Variants in AP2B1 observed in about 807,000 individuals in gnomAD.
The protein encoded by AP2B1 is AP-2 complex subunit beta.
A neutral mutation model predicts 102.0 loss-of-function variants in AP2B1; 23 were observed. That is an observed-to-expected ratio of 0.23 (90% CI 0.16 to 0.32). The LOEUF (loss-of-function observed/expected upper bound fraction) is 0.32, where lower values mean the gene tolerates loss of function less well. Among genes scored for constraint, AP2B1 ranks in the 10% least tolerant of loss-of-function variants. The probability of loss-of-function intolerance (pLI) is 1.00; values close to 1 mark genes in which losing one functional copy is unlikely to be tolerated. For synonymous variants in AP2B1, 381 were observed against 421.2 expected, an observed-to-expected ratio of 0.90 and a Z score of 1.17; for missense variants, 541 against 1,157.4, an observed-to-expected ratio of 0.47 and a Z score of 7.73.
At chr17:35,683,768 A>G (rs2075873826) in intron 18 of AP2B1, among the ~76,000 whole-genome samples, 1 of 152,206 alleles carries the variant, frequency 6.6e-6, no homozygotes, top group Admixed American at 6.5e-5. Flanking sequence ...AATGTTCACA[A>G]GAACAGGAAG....
At chr17:35,711,291 C>T (rs1028704283) in intron 20 of AP2B1, among the ~76,000 whole-genome samples, 1 of 152,062 alleles carries the variant, frequency 6.6e-6, no homozygotes, top group Non-Finnish European at 1.5e-5. Flanking sequence ...CTCATTTACC[C>T]CTCATTTACT....
At chr17:35,637,441 A>G (rs2074639556) in intron 10 of AP2B1, among the ~76,000 whole-genome samples, 1 of 151,968 alleles carries the variant, frequency 6.6e-6, no homozygotes, top group Non-Finnish European at 1.5e-5. Context: ...CAGCCTCCCA[A>G]AGTGCTGGGA....
intron 17 of AP2B1, among the ~76,000 whole-genome samples, chr17:35,676,792 T>TTC (rs111330310): frequency 0.86 from 131,155 of 151,764 alleles, 57,012 homozygotes; most frequent in East Asian, 0.97. Flanking sequence ...ATATTGGTCA[T>TTC]ATATATCTTT....
chr17:35,632,660 G>GTT (rs903905322), intron 9 of AP2B1, among the ~76,000 whole-genome samples: 3 of 143,106 alleles, frequency 2.1e-5, no homozygotes. Flanking sequence ...TTTAATGGTA[G>GTT]TTTTTTTTTT....
intron 19 of AP2B1, among the ~76,000 whole-genome samples, 156 bp downstream of exon 19, chr17:35,709,464 T>C (rs587767008): frequency 3.7e-4 from 56 of 152,350 alleles, no homozygotes; most frequent in African/African-American, 1.3e-3. Context: ...TTATTTATTC[T>C]CCTGTGTCAC....
chr17:35,629,097 C>T (rs2074394555), intron 9 of AP2B1, among the ~76,000 whole-genome samples: 1 of 151,942 alleles, frequency 6.6e-6, no homozygotes, highest in African/African-American at 2.4e-5. Flanking sequence ...TACAGGCATA[C>T]GCTACCACAC....
At chr17:35,632,665 T>C (rs1001374668) in intron 9 of AP2B1, among the ~76,000 whole-genome samples, 3 of 152,116 alleles carry the variant, frequency 2.0e-5, no homozygotes, top group Admixed American at 2.0e-4. Context: ...TGGTAGTTTT[T>C]TTTTTTTAAT....
intron 6 of AP2B1, 85 bp from the exon 7 acceptor site, chr17:35,626,536 A>G (rs1204177169): frequency 2.6e-6 from 3 of 1,139,214 alleles, no homozygotes; most frequent in Non-Finnish European, 1.3e-6. Context: ...ATACTTGGCC[A>G]TTAGACTCTG....
At chr17:35,589,622 G>A (rs1284464680) in intron 1 of AP2B1, among the ~76,000 whole-genome samples, 3 of 152,196 alleles carry the variant, frequency 2.0e-5, no homozygotes, top group Non-Finnish European at 4.4e-5. Flanking sequence ...CCGAAATGCA[G>A]TGACATCACA....
chr17:35,706,505 G>A (rs2076342864), intron 18 of AP2B1, among the ~76,000 whole-genome samples: 1 of 152,182 alleles, frequency 6.6e-6, no homozygotes, highest in African/African-American at 2.4e-5. Context: ...AGATGATTCT[G>A]ATACAGGTCT....
rs1308629225 is a variant in AP2B1, at chr17:35,654,068, C to CT, written c.1796+3290dup. On this transcript the variant is annotated intron_variant, in intron 13 of 21. Coordinates refer to ENST00000610402, the MANE Select transcript of AP2B1 (RefSeq NM_001030006.2). ...AATTAAATTTTTACAATTTTTTTTA[C>CT]TTTTTTTTTTTGAGATGTAGTCTCG... 2.5e-3 allele frequency among the ~76,000 whole-genome samples: 366 copies of CT among 146,114 alleles called. 1 individual carries two copies. The highest frequency in any genetic ancestry group is 3.7e-3 in the Non-Finnish European group (246 of 65,950).
At chr17:35,634,565 ATTCTCTTCAT>A (rs1335024509) in intron 9 of AP2B1, among the ~76,000 whole-genome samples, 3 of 152,170 alleles carry the variant, frequency 2.0e-5, no homozygotes, top group Admixed American at 1.3e-4. Flanking sequence ...ATTCTCTCAT[ATTCTCTTCAT>A]TAATAAAAGA....
At chr17:35,673,080 T>G (rs989866584) in intron 16 of AP2B1, among the ~76,000 whole-genome samples, 1 of 152,172 alleles carries the variant, frequency 6.6e-6, no homozygotes, top group East Asian at 1.9e-4. Flanking sequence ...AACATTTAGG[T>G]TATTCCCTGG....
intron 5 of AP2B1, among the ~76,000 whole-genome samples, chr17:35,618,614 A>G (rs1849929159): frequency 6.6e-6 from 1 of 152,174 alleles, no homozygotes; most frequent in African/African-American, 2.4e-5. Flanking sequence ...CAAGGTGAAA[A>G]TCATTTTAAG....
chr17:35,628,782 C>T (rs1253791866), intron 9 of AP2B1, among the ~76,000 whole-genome samples: 1 of 152,154 alleles, frequency 6.6e-6, no homozygotes, highest in Non-Finnish European at 1.5e-5. Context: ...GTTTTTGTTC[C>T]TATATCCATT....
chr17:35,720,559 ATATAT>A, intron 21 of AP2B1, among the ~76,000 whole-genome samples: 1 of 48,498 alleles, frequency 2.1e-5, no homozygotes, highest in Non-Finnish European at 4.3e-5. Context: ...ATATATATAT[ATATAT>A]ATATATATAT....
chr17:35,605,530 G>A (rs1430399030), intron 3 of AP2B1, among the ~76,000 whole-genome samples, 175 bp from the exon 4 acceptor site: 2 of 152,320 alleles, frequency 1.3e-5, no homozygotes, highest in South Asian at 2.1e-4. Context: ...GATTATAGGC[G>A]TGAGCCACCG....
rs1166701445 is a variant in AP2B1 at position 35,627,409 on chromosome 17, C to G, written c.963C>G (p.Ile321Met). ...QKRPEILKQE[I>M]KVFFVKYNDP... ...GGCCTGAAATCTTGAAGCAGGAAAT[C>G]AAAGTCTTCTTTGTGAAGTACAATG... Residue 321 changes from isoleucine (I) to methionine (M), a missense_variant, in exon 8 of 22, where the codon ATC becomes ATG. By Grantham distance (10) the Ile-to-Met change is conservative (BLOSUM62 1). Around this residue, in one of 10 missense-constraint regions of AP2B1, gnomAD observed 134 missense variants for 250.2 expected, o/e 0.54. Transcript: ENST00000610402. 1 of 1,613,732 alleles carries G rather than the reference C, an allele frequency of 6.2e-7. No individual in the cohort carries two copies. The highest frequency in any genetic ancestry group is 1.7e-5 in the Admixed American group (1 of 59,958).
At chr17:35,647,120 C>A (rs1162857256) in intron 12 of AP2B1, among the ~76,000 whole-genome samples, 1 of 152,040 alleles carries the variant, frequency 6.6e-6, no homozygotes, top group Non-Finnish European at 1.5e-5. Flanking sequence ...GTAATAAAAA[C>A]CATACTTTAC....
Sources: gnomAD v4.1 joint callset for allele counts (sites outside exome capture counted in the v4.1 genomes callset) on GRCh38, gnomAD v4.1.1 for gene constraint, gnomAD v4.1.1 regional missense constraint, MANE v1.5 for transcripts, NCBI Gene and HGNC (gene_info 2026-07-23, HGNC 2026-07-21) for gene names.